The following OLFM1 variants were observed in gnomAD, a reference collection of about 807,000 sequenced individuals.
The protein encoded by OLFM1 is noelin.
In OLFM1, 9 loss-of-function variants were observed where a neutral mutation model predicts 49.7. The observed-to-expected ratio is 0.18, with a 90% CI of 0.11 to 0.32. The LOEUF (loss-of-function observed/expected upper bound fraction) is 0.32. Ranked by LOEUF, OLFM1 falls within the 10% of genes least tolerant of loss-of-function variation. The pLI is 1.00. For missense variants in OLFM1, 369 were observed against 661.8 expected (o/e 0.56, Z 4.85); for synonymous variants, 240 against 271.8 (o/e 0.88, Z 1.15).
intron 5 of OLFM1, among the ~76,000 whole-genome samples, chr9:135,112,928 G>A (rs555969204): frequency 2.3e-3 from 350 of 152,310 alleles, no homozygotes; most frequent in African/African-American, 7.3e-3. Flanking sequence ...GAGCAGGTGC[G>A]GGGAGCTGCT....
At chr9:135,101,685 C>T (rs1265375190) in intron 4 of OLFM1, among the ~76,000 whole-genome samples, 1 of 152,238 alleles carries the variant, frequency 6.6e-6, no homozygotes, top group Non-Finnish European at 1.5e-5. Flanking sequence ...CTGGCCTCGT[C>T]CCCTGAGCTG....
intron 4 of OLFM1, 168 bp from the exon 5 acceptor site, chr9:135,106,581 T>G: frequency 1.7e-6 from 1 of 580,860 alleles, no homozygotes; most frequent in East Asian, 2.9e-5. Context: ...AGTGGGGGAG[T>G]TGTCTGTGAA....
intron 2 of OLFM1, among the ~76,000 whole-genome samples, chr9:135,095,531 AGAG>A (rs1216395625): frequency 1.9e-4 from 6 of 32,140 alleles, no homozygotes; most frequent in Admixed American, 2.1e-4. Flanking sequence ...AAAAAAAAAA[AGAG>A]AGAGAGAGAG....
chr9:135,085,574 C>T (rs989348744), upstream of OLFM1, among the ~76,000 whole-genome samples: 2 of 152,266 alleles, frequency 1.3e-5, no homozygotes, highest in Non-Finnish European at 2.9e-5. Flanking sequence ...GGCGCAGCAC[C>T]TGCCCCATCA....
Position 135,119,840 on chromosome 9 carries a change from G to T in OLFM1, c.1120G>T (p.Ala374Ser). 1 of 1,613,796 alleles carries T rather than the reference G, an allele frequency of 6.2e-7. No homozygotes were observed. The highest frequency in any genetic ancestry group is 8.5e-7 in the Non-Finnish European group (1 of 1,180,030). The change falls in exon 6 of 6, where the codon GCT (alanine) becomes TCT (serine). Residue 374 changes from alanine (A) to serine (S), a missense_variant. By Grantham distance (99) the Ala-to-Ser change is moderately conservative (BLOSUM62 1). This residue lies in a region of OLFM1 where 294 missense variants were observed against 567.5 expected (regional missense o/e 0.52). Transcript: ENST00000371793. ...LWAVYATNQNAGNIVVSRLDP... is the reference protein window; with the variant it reads ...LWAVYATNQNSGNIVVSRLDP... ...GGCCGTGTACGCCACCAACCAGAAC[G>T]CTGGCAACATCGTGGTCAGTAGGCT...
chr9:135,092,661 G>C (rs1308314641), intron 2 of OLFM1, among the ~76,000 whole-genome samples: 1 of 152,188 alleles, frequency 6.6e-6, no homozygotes, highest in African/African-American at 2.4e-5. Flanking sequence ...TGCGGGGAGA[G>C]CAGAGAGTTG....
At chr9:135,111,570 T>C (rs1831023763) in intron 5 of OLFM1, among the ~76,000 whole-genome samples, 2 of 152,126 alleles carry the variant, frequency 1.3e-5, no homozygotes, top group Admixed American at 6.5e-5. Context: ...GTTGCGGAGC[T>C]TGGGGACATC....
rs2119150024 is a variant in OLFM1, at chr9:135,120,074, C to T, written c.1354C>T (p.Leu452=). The change falls in exon 6 of 6, where the codon CTG becomes TTG. Residue 452 remains leucine, a synonymous_variant. Transcript: ENST00000371793. Reference sequence around the variant, plus strand: ...GAACAAATACTCCCACATCTCCATGCTGGACTACAACCCCAAGGACCGGGC... The same window carrying T: ...GAACAAATACTCCCACATCTCCATGTTGGACTACAACCCCAAGGACCGGGC... ...FQNKYSHISM[L]DYNPKDRALY... 1 of 1,614,142 alleles carries T rather than the reference C, an allele frequency of 6.2e-7. No individual in the cohort carries two copies.
At chr9:135,112,850 G>C (rs1041824133) in intron 5 of OLFM1, among the ~76,000 whole-genome samples, 1 of 152,208 alleles carries the variant, frequency 6.6e-6, no homozygotes, top group African/African-American at 2.4e-5. Flanking sequence ...AGGGGGAGAA[G>C]GAAGGGGGAT....
chr9:135,107,652 C>T (rs1036713534), intron 5 of OLFM1, among the ~76,000 whole-genome samples: 1 of 152,200 alleles, frequency 6.6e-6, no homozygotes, highest in Non-Finnish European at 1.5e-5. Flanking sequence ...CCTTGATTTG[C>T]AAACTGACCT....
chr9:135,095,258 G>A (rs1830772665), intron 2 of OLFM1: 1 of 152,258 alleles, frequency 6.6e-6, no homozygotes, highest in African/African-American at 2.4e-5. Flanking sequence ...GATACTGTGG[G>A]GTGTGATGGA....
intron 1 of OLFM1, among the ~76,000 whole-genome samples, chr9:135,078,029 G>A (rs1830489829): frequency 2.6e-5 from 4 of 152,332 alleles, no homozygotes; most frequent in South Asian, 4.1e-4. Context: ...ATCTGGGGTC[G>A]GGAATGGGTG....
chr9:135,106,142 AGCAACCG>A (rs1433267602), intron 4 of OLFM1: 1 of 152,556 alleles, frequency 6.6e-6, no homozygotes, highest in African/African-American at 2.4e-5. Flanking sequence ...CACTGGCAGA[AGCAACCG>A]GCTCACGCCT....
chr9:135,082,745 G>C (rs1005743639), upstream of OLFM1, among the ~76,000 whole-genome samples: 1 of 152,186 alleles, frequency 6.6e-6, no homozygotes, highest in African/African-American at 2.4e-5. Flanking sequence ...GACGGACCCA[G>C]GGGTGCTTTG....
chr9:135,117,925 A>T lies in OLFM1; in HGVS notation c.784-1579A>T, dbSNP rs1428543402. Among the ~76,000 whole-genome samples, 1 of 152,142 alleles carries T rather than the reference A, an allele frequency of 6.6e-6. No individual in the cohort carries two copies. The highest frequency in any genetic ancestry group is 1.5e-5 in the Non-Finnish European group (1 of 68,030). On this transcript the variant is annotated intron_variant, in intron 5 of 5. Transcript: ENST00000371793. This position sits in a 1 kb window ranked among gnomAD's most constrained non-coding sequence, Gnocchi z 5.5. ...ACCTTCCCACTAGACCCTTTCTTCA[A>T]ACTGGGCCATCCTTTCTCTGATAGC... is the stretch of plus-strand genomic sequence containing the variant.
At chr9:135,081,702 G>C (rs112448705) in intron 1 of OLFM1, among the ~76,000 whole-genome samples, 1 of 152,176 alleles carries the variant, frequency 6.6e-6, no homozygotes, top group African/African-American at 2.4e-5. Flanking sequence ...GGGGCCAGGC[G>C]CACTGGCTCA....
chr9:135,087,146 C>T (rs1588204653), upstream of OLFM1: 8 of 1,222,884 alleles, frequency 6.5e-6, no homozygotes, highest in East Asian at 2.0e-4. Flanking sequence ...TTTAGCTCTC[C>T]ACCGATGCCC....
At chr9:135,119,369 G>C in intron 5 of OLFM1, 135 bp from the exon 6 acceptor site, 2 of 705,826 alleles carry the variant, frequency 2.8e-6, no homozygotes, top group Middle Eastern at 3.3e-4. Flanking sequence ...TGGGTCTTTG[G>C]AGTGCTCACT....
At position 135,080,079 on chromosome 9, in the gene OLFM1, G is replaced by A. The variant is rs532764122; in HGVS notation, c.96+4277G>A. 5.6e-4 allele frequency among the ~76,000 whole-genome samples: 85 copies of A among 151,098 alleles called. No homozygotes were observed. Among genetic ancestry groups the A allele is most frequent in the African/African-American group, 2.0e-3 (81 of 40,820 alleles). On this transcript the variant is annotated intron_variant, in intron 1 of 5. Transcript: ENST00000252854. This position sits in a 1 kb window ranked among gnomAD's most constrained non-coding sequence, Gnocchi z 4.5. ...TTAGGCTTTCAGAGAACCCCAGTGA[G>A]GCCCATCCCTCTGAATCTGTTCCTC...
Sources: allele counts gnomAD v4.1 joint callset (sites outside exome capture counted in the v4.1 genomes callset), GRCh38; gene constraint gnomAD v4.1.1; regional missense constraint gnomAD v4.1.1; non-coding constraint Gnocchi (gnomAD v3.1); transcripts MANE v1.5; gene names NCBI Gene and HGNC (gene_info 2026-07-23, HGNC 2026-07-21).